Variants in CIT observed in about 807,000 individuals in gnomAD.
The protein encoded by CIT is citron Rho-interacting kinase.
Under a neutral mutation model 272.7 loss-of-function variants are expected in CIT, and 79 were observed. The observed-to-expected ratio is 0.29, with a 90% CI of 0.24 to 0.35. CIT has a LOEUF of 0.35. Among genes scored for constraint, CIT ranks in the 10% least tolerant of loss-of-function variants. CIT has a pLI of 1.00. For missense variants in CIT, 1,909 were observed against 2,618.3 expected, an observed-to-expected ratio of 0.73 and a Z score of 5.91; for synonymous variants, 948 against 995.6, an observed-to-expected ratio of 0.95 and a Z score of 0.90.
At chr12:119,761,293 C>T (rs1961760592) in intron 19 of CIT, among the ~76,000 whole-genome samples, 1 of 152,106 alleles carries the variant, frequency 6.6e-6, no homozygotes, top group Non-Finnish European at 1.5e-5. Flanking sequence ...GAACCAAGAA[C>T]TTATTTTAAA....
At chr12:119,801,412 G>A (rs1358085818) in intron 10 of CIT, among the ~76,000 whole-genome samples, 1 of 152,110 alleles carries the variant, frequency 6.6e-6, no homozygotes, top group Non-Finnish European at 1.5e-5. Context: ...TGAAAAATAA[G>A]CAATTAATCA....
At position 119,770,480 on chromosome 12, in the gene CIT, G is replaced by A. The variant is rs116726778; in HGVS notation, c.2208+305C>T. Among the ~76,000 whole-genome samples, 501 of 150,054 alleles carry A rather than the reference G, an allele frequency of 3.3e-3. 2 individuals carry two copies. Among genetic ancestry groups the A allele is most frequent in the African/African-American group, 0.012 (478 of 40,750 alleles). On this transcript the variant is annotated intron_variant, in intron 18 of 47. Coordinates refer to ENST00000392521, the MANE Select transcript of CIT (RefSeq NM_001206999.2). This position sits in a 1 kb window ranked among gnomAD's most constrained non-coding sequence, Gnocchi z 4.4. The stretch of plus-strand genomic sequence containing the variant: ...TCCAAAGCTCTGCTGATAGAAGTAT[G>A]TCAACACGCCTTTAAAAATGTATTG...
At chr12:119,841,745 C>G (rs1969425740) in intron 5 of CIT, among the ~76,000 whole-genome samples, 1 of 152,170 alleles carries the variant, frequency 6.6e-6, no homozygotes, top group African/African-American at 2.4e-5. Flanking sequence ...TACCAGGCAG[C>G]TGGAACAGAG....
Position 119,784,500 on chromosome 12 carries a change from CTTA to C in CIT, c.1402-452_1402-450del. 8.4e-7 allele frequency: 1 copy of C among 1,187,162 alleles called. No individual in the cohort carries two copies. Among genetic ancestry groups the C allele is most frequent in the Non-Finnish European group, 1.1e-6 (1 of 945,116 alleles). The allele number at this position is 1,187,162 out of a possible 1,614,324, so 73.5% of individuals were successfully genotyped here. On this transcript the variant is annotated intron_variant, in intron 11 of 47. Transcript: ENST00000392521. The surrounding 1 kb of genome is among the most constrained non-coding windows in gnomAD (Gnocchi z 4.7). ...CTTAGGAGTCCCAGGCAAGCAGTGA[CTTA>C]TTAGTTTCCAGAGCGTTGCCTCTGG...
chr12:119,811,470 T>C (rs544293081), intron 9 of CIT, among the ~76,000 whole-genome samples: 1 of 152,312 alleles, frequency 6.6e-6, no homozygotes, highest in East Asian at 1.9e-4. Context: ...ATGCTGTCTT[T>C]AAAGTCAATG....
At chr12:119,716,416 T>TAAAAAAAAAAAAAAAAAAAAA (rs1481968570) in intron 32 of CIT, among the ~76,000 whole-genome samples, 7 of 70,556 alleles carry the variant, frequency 9.9e-5, no homozygotes, top group African/African-American at 3.2e-4. Flanking sequence ...AAAAAAAAAG[T>TAAAAAAAAAAAAAAAAAAAAA]AAAGCTCTTT....
chr12:119,698,863 G>A (rs75729756), intron 44 of CIT, among the ~76,000 whole-genome samples: 6,542 of 152,230 alleles, frequency 0.043, 459 homozygotes, highest in African/African-American at 0.15. Context: ...GAGGAATAGC[G>A]ATGGAGAATT....
chr12:119,755,033 A>C (rs901896834), intron 22 of CIT, among the ~76,000 whole-genome samples: 5 of 152,224 alleles, frequency 3.3e-5, no homozygotes, highest in African/African-American at 1.2e-4. Context: ...AGAAGAGTGA[A>C]AGTATAGCCT....
At chr12:119,735,452 C>G (rs1958700205) in intron 24 of CIT, 95 bp from the exon 25 acceptor site, 2 of 1,250,132 alleles carry the variant, frequency 1.6e-6, no homozygotes, top group Admixed American at 1.8e-5. Flanking sequence ...CCACGTGACA[C>G]TGGCAATCAA....
At chr12:119,803,415 G>A (rs202167316) in intron 9 of CIT, 26 bp from the exon 10 acceptor site, 121 of 1,507,074 alleles carry the variant, frequency 8.0e-5, no homozygotes, top group Middle Eastern at 2.2e-4. Flanking sequence ...CAAGAAAGGA[G>A]GCGGGGAGGA....
intron 2 of CIT, among the ~76,000 whole-genome samples, chr12:119,873,979 T>G (rs866134141): frequency 5.3e-5 from 8 of 152,306 alleles, no homozygotes; most frequent in Non-Finnish European, 5.9e-5. Flanking sequence ...AGGTGCTAAG[T>G]GCTTTAAATC....
rs776326234 is a variant in CIT, at chr12:119,690,150, C to A, written c.6186+1G>T. On this transcript the variant is annotated splice_donor_variant, in intron 47 of 47. Transcript: ENST00000392521. LOFTEE classifies it high-confidence loss of function. The surrounding 1 kb of genome is among the most constrained non-coding windows in gnomAD (Gnocchi z 6.0). ...ACACAGGCCTCGGAATGCTGCCTCA[C>A]CTTGTTCACCTGGGACAGCGGGGTC... 6.8e-7 allele frequency: 1 copy of A among 1,465,798 alleles called. No homozygotes were observed. Among genetic ancestry groups the A allele is most frequent in the Non-Finnish European group, 9.0e-7 (1 of 1,116,292 alleles). The allele number at this position is 1,465,798 out of a possible 1,614,324, so 90.8% of individuals were successfully genotyped here.
intron 10 of CIT, among the ~76,000 whole-genome samples, chr12:119,800,967 GTCC>G (rs1966147769): frequency 6.6e-6 from 1 of 152,142 alleles, no homozygotes; most frequent in African/African-American, 2.4e-5. Context: ...GAGTAGCCAA[GTCC>G]AATAGCAATA....
intron 13 of CIT, among the ~76,000 whole-genome samples, chr12:119,781,489 T>C (rs990980419): frequency 5.9e-5 from 9 of 152,202 alleles, no homozygotes; most frequent in African/African-American, 1.9e-4. Flanking sequence ...TTCCATTAGA[T>C]TTTCTGAAGT....
intron 3 of CIT, among the ~76,000 whole-genome samples, chr12:119,862,425 TCTCA>T (rs752602237): frequency 2.6e-5 from 4 of 152,186 alleles, no homozygotes; most frequent in Non-Finnish European, 5.9e-5. Flanking sequence ...GGGATTTTTC[TCTCA>T]CTATGTATGT....
chr12:119,735,867 A>G (rs114429266), intron 24 of CIT, among the ~76,000 whole-genome samples: 217 of 152,352 alleles, frequency 1.4e-3, no homozygotes, highest in African/African-American at 4.9e-3. Flanking sequence ...ATCACAAGCA[A>G]TAAATTTAAT....
At position 119,718,028 on chromosome 12, in the gene CIT, C is replaced by T. The variant is rs1259991416; in HGVS notation, c.4168+217G>A. 6.6e-6 allele frequency among the ~76,000 whole-genome samples: 1 copy of T among 151,332 alleles called. No homozygotes were observed. Among genetic ancestry groups the T allele is most frequent in the Non-Finnish European group, 1.5e-5 (1 of 67,866 alleles). ...GCTAATTTTGCATTTTTAGTAGAGA[C>T]GGGGTTTCTCCATGTTGGTCAGGCT... On this transcript the variant is annotated intron_variant, in intron 32 of 47. Transcript: ENST00000392521. This position sits in a 1 kb window ranked among gnomAD's most constrained non-coding sequence, Gnocchi z 4.8.
chr12:119,813,045 G>GC (rs34127933), intron 9 of CIT, among the ~76,000 whole-genome samples: 97 of 152,214 alleles, frequency 6.4e-4, no homozygotes, highest in African/African-American at 2.1e-3. Context: ...TTGTGGCAAG[G>GC]CCCCCCTCCG....
rs1390976760 is a variant in CIT at position 119,785,077 on chromosome 12, AAAACCAACG to A, written c.1296-21_1296-13del. 3.1e-6 allele frequency: 5 copies of A among 1,613,174 alleles called. No individual in the cohort carries two copies. Among genetic ancestry groups the A allele is most frequent in the Admixed American group, 3.3e-5 (2 of 59,794 alleles). On this transcript the variant is annotated splice_polypyrimidine_tract_variant and intron_variant, in intron 10 of 47. Transcript: ENST00000392521. ...CCGACACAACAGACCTAGGTAGAGA[AAAACCAACG>A]TCAAGGGGGCCTGCAGGTGGGCCTA...
Sources: gnomAD v4.1 joint callset for allele counts (sites outside exome capture counted in the v4.1 genomes callset) on GRCh38, gnomAD v4.1.1 for gene constraint, Gnocchi (gnomAD v3.1) non-coding constraint, MANE v1.5 for transcripts, NCBI Gene and HGNC (gene_info 2026-07-23, HGNC 2026-07-21) for gene names.